The following IRS1 variants were observed in gnomAD, a reference collection of about 807,000 sequenced individuals.
The protein encoded by IRS1 is insulin receptor substrate 1.
IRS1 carries 34 observed loss-of-function variants against 65.6 expected under a neutral mutation model. The observed-to-expected ratio is 0.52, with a 90% confidence interval of 0.39 to 0.69. The LOEUF is 0.69. Ranked by LOEUF, IRS1 falls within the 30% of genes least tolerant of loss-of-function variation. The probability of loss-of-function intolerance (pLI) is 0.00; values close to 1 mark genes in which losing one functional copy is unlikely to be tolerated. For synonymous variants in IRS1, 699 were observed against 683.5 expected (o/e 1.02, Z -0.35); for missense variants, 1,641 against 1,720.2 (o/e 0.95, Z 0.81).
At chr2:226,782,082 T>G (rs938486599) in intron 1 of IRS1, among the ~76,000 whole-genome samples, 1 of 152,070 alleles carries the variant, frequency 6.6e-6, no homozygotes, top group African/African-American at 2.4e-5. Flanking sequence ...AGTTATTGTT[T>G]AGCTGTGGTT....
At chr2:226,747,520 C>T (rs979782265) in intron 1 of IRS1, among the ~76,000 whole-genome samples, 1 of 152,094 alleles carries the variant, frequency 6.6e-6, no homozygotes, top group African/African-American at 2.4e-5. Flanking sequence ...CTTGGACTTA[C>T]CCGCCTCCAG....
chr2:226,742,153 A>G (rs1938452224), intron 1 of IRS1, among the ~76,000 whole-genome samples: 1 of 152,208 alleles, frequency 6.6e-6, no homozygotes, highest in Non-Finnish European at 1.5e-5. Context: ...ACATGGGATA[A>G]TCTCCCCGTT....
intron 1 of IRS1, among the ~76,000 whole-genome samples, chr2:226,743,167 A>C (rs2106159102): frequency 6.6e-6 from 1 of 152,098 alleles, no homozygotes; most frequent in South Asian, 2.1e-4. Context: ...TAGGAAAAAA[A>C]AACAAAAAAA....
At chr2:226,752,987 A>G (rs1311439487) in intron 1 of IRS1, among the ~76,000 whole-genome samples, 3 of 152,214 alleles carry the variant, frequency 2.0e-5, no homozygotes, top group Non-Finnish European at 2.9e-5. Flanking sequence ...CACAGATCCT[A>G]ACAACTAACA....
intron 1 of IRS1, among the ~76,000 whole-genome samples, chr2:226,791,115 C>T (rs1419605783): frequency 6.6e-6 from 1 of 152,188 alleles, no homozygotes; most frequent in African/African-American, 2.4e-5. Flanking sequence ...AGCTCTGGTG[C>T]TTTGCAGTAA....
chr2:226,755,242 G>A (rs767395498), intron 1 of IRS1, among the ~76,000 whole-genome samples: 95 of 152,164 alleles, frequency 6.2e-4, no homozygotes, highest in Non-Finnish European at 1.9e-4. Context: ...TAGAAGCCAC[G>A]AAAGAACAGA....
Position 226,797,639 on chromosome 2 carries a change from G to T in IRS1, c.1100C>A (p.Pro367His), listed in dbSNP as rs1283640603. The T allele has an allele frequency of 6.3e-7, 1 of 1,590,154 alleles. No homozygotes were observed. Residue 367 changes from proline to histidine, a missense_variant, in exon 1 of 2, where the codon CCC (proline) becomes CAC (histidine). By Grantham distance (77) the Pro-to-His change is moderately conservative (BLOSUM62 -2). Transcript: ENST00000305123. This position sits in a 1 kb window ranked among gnomAD's most constrained non-coding sequence, Gnocchi z 8.1. ...HRHRGSARLH[P>H]PLNHSRSIPM... ...GATGGAGCGGCTGTGGTTGAGCGGG[G>T]GGTGCAGCCGGGCGCTGCCCCGATG...
chr2:226,765,418 A>C (rs1235800433), intron 1 of IRS1, among the ~76,000 whole-genome samples: 1 of 152,182 alleles, frequency 6.6e-6, no homozygotes, highest in South Asian at 2.1e-4. Flanking sequence ...TTTGAAGGGT[A>C]CTCTGTGCAT....
chr2:226,761,091 T>A (rs1938906794), intron 1 of IRS1, among the ~76,000 whole-genome samples: 1 of 152,170 alleles, frequency 6.6e-6, no homozygotes, highest in Non-Finnish European at 1.5e-5. Flanking sequence ...AACCAACACT[T>A]GCAGGGTTCA....
chr2:226,756,992 A>AATAT (rs1020751474), intron 1 of IRS1, among the ~76,000 whole-genome samples: 1 of 150,858 alleles, frequency 6.6e-6, no homozygotes, highest in African/African-American at 2.5e-5. Context: ...TAAATAAATA[A>AATAT]ATAAATAAAT....
At chr2:226,771,437 G>T (rs1453061103) in intron 1 of IRS1, among the ~76,000 whole-genome samples, 1 of 152,058 alleles carries the variant, frequency 6.6e-6, no homozygotes, top group Non-Finnish European at 1.5e-5. Flanking sequence ...TTGGAGGAAG[G>T]GTGAAATTCA....
intron 1 of IRS1, among the ~76,000 whole-genome samples, chr2:226,775,276 C>A (rs1305701685): frequency 1.3e-5 from 2 of 152,176 alleles, no homozygotes; most frequent in Admixed American, 1.3e-4. Flanking sequence ...TTGACAGAAG[C>A]ATTGTACTCT....
chr2:226,773,047 A>T (rs4675093), intron 1 of IRS1, among the ~76,000 whole-genome samples: 24,336 of 152,200 alleles, frequency 0.16, 2,790 homozygotes, highest in African/African-American at 0.31. Context: ...GCATGAAACA[A>T]GCAAAATCAA....
chr2:226,796,411 G>C lies in IRS1; in HGVS notation c.2328C>G (p.Arg776=), dbSNP rs751920331. The change falls in exon 1 of 2, where the codon CGC becomes CGG. Residue 776 remains arginine (R), a synonymous_variant. Coordinates refer to ENST00000305123, the MANE Select transcript of IRS1 (RefSeq NM_005544.3). The part of the protein sequence containing the change: ...SLPRSFKHTQ[R]PGEPEEGARH... ...GGGCACCCTCCTCCGGCTCCCCGGG[G>C]CGCTGGGTGTGCTTAAAGGATCTTG... 4 of 1,613,432 alleles carry C rather than the reference G, an allele frequency of 2.5e-6. No individual in the cohort carries two copies. In the South Asian group the frequency reaches 4.4e-5, roughly 18 times the overall value.
chr2:226,769,743 T>G (rs1029307674), intron 1 of IRS1, among the ~76,000 whole-genome samples: 1 of 152,156 alleles, frequency 6.6e-6, no homozygotes, highest in African/African-American at 2.4e-5. Context: ...TATTTATGAC[T>G]CCAGAAAAAC....
In IRS1 at chr2:226,794,318, G is replaced by A. The variant is rs564618341; in HGVS notation, c.*21+671C>T. On this transcript the variant is annotated intron_variant, in intron 1 of 1. Coordinates refer to ENST00000305123, the MANE Select transcript of IRS1 (RefSeq NM_005544.3). The surrounding 1 kb of genome is among the most constrained non-coding windows in gnomAD (Gnocchi z 4.1). ...GTGTGAATAATATTTCACAAATCCT[G>A]GTACATGAACAAAAGGAGAACGTCA... 2.7e-4 allele frequency among the ~76,000 whole-genome samples: 41 copies of A among 152,172 alleles called. No individual in the cohort carries two copies. Among genetic ancestry groups the A allele is most frequent in the African/African-American group, 9.9e-4 (41 of 41,492 alleles).
rs1939837333 is a variant in IRS1, at chr2:226,799,213, C to T, written c.-475G>A. On this transcript the variant is annotated 5_prime_UTR_variant, in exon 1 of 2. Transcript: ENST00000305123. This position sits in a 1 kb window ranked among gnomAD's most constrained non-coding sequence, Gnocchi z 6.1. ...CGATTCCCGAGGCAAATTAAATATC[C>T]TTGGGCAGGGGGAGGCGGGTTGCCA... 3 of 1,117,722 alleles carry T rather than the reference C, an allele frequency of 2.7e-6. No individual in the cohort carries two copies. The highest frequency in any genetic ancestry group is 2.2e-6 in the Non-Finnish European group (2 of 898,484). 69.2% of individuals were successfully genotyped at this position (1,117,722 alleles called of 1,614,324 possible).
chr2:226,786,812 C>A (rs1162770330), intron 1 of IRS1, among the ~76,000 whole-genome samples: 6 of 142,210 alleles, frequency 4.2e-5, no homozygotes, highest in African/African-American at 7.7e-5. Flanking sequence ...ACTTTTAAAA[C>A]ATGTTTCTGT....
intron 1 of IRS1, among the ~76,000 whole-genome samples, chr2:226,742,674 CT>C (rs1938461505): frequency 6.7e-6 from 1 of 149,046 alleles, no homozygotes; most frequent in African/African-American, 2.5e-5. Flanking sequence ...GGGCTGGTGA[CT>C]TCAGGAGACC....
Sources: gnomAD v4.1 joint callset for allele counts (sites outside exome capture counted in the v4.1 genomes callset) on GRCh38, gnomAD v4.1.1 for gene constraint, Gnocchi (gnomAD v3.1) non-coding constraint, MANE v1.5 for transcripts, NCBI Gene and HGNC (gene_info 2026-07-23, HGNC 2026-07-21) for gene names.